The following DNAAF4 variants were observed in gnomAD, a reference collection of about 807,000 sequenced individuals.
The protein encoded by DNAAF4 is dynein axonemal assembly factor 4.
In DNAAF4, 43 loss-of-function variants were observed where a neutral mutation model predicts 51.8. The ratio of observed to expected loss-of-function variants is 0.83; its 90% CI spans 0.65 to 1.07. The LOEUF is 1.07. Among genes scored for constraint, DNAAF4 ranks in the 50% least tolerant of loss-of-function variants. The pLI is 0.00. For missense variants in DNAAF4, 581 were observed against 493.0 expected (o/e 1.18, Z -1.69); for synonymous variants, 194 against 165.6 (o/e 1.17, Z -1.32).
At chr15:55,496,773 G>C (rs1377163282) in intron 3 of DNAAF4, among the ~76,000 whole-genome samples, 1 of 150,708 alleles carries the variant, frequency 6.6e-6, no homozygotes, top group African/African-American at 2.4e-5. Context: ...GCAATTGAAT[G>C]AGTTCAGGAT....
At chr15:55,423,445 C>T (rs543874252) in intron 7 of DNAAF4, among the ~76,000 whole-genome samples, 3 of 152,030 alleles carry the variant, frequency 2.0e-5, no homozygotes, top group African/African-American at 4.8e-5. Flanking sequence ...CTCCTGGGCT[C>T]AAGTTATCCT....
chr15:55,463,516 T>C (rs1053247395), intron 5 of DNAAF4, among the ~76,000 whole-genome samples: 2 of 152,148 alleles, frequency 1.3e-5, no homozygotes, highest in African/African-American at 4.8e-5. Context: ...GCCAATGATA[T>C]GATCGTATAC....
intron 5 of DNAAF4, among the ~76,000 whole-genome samples, chr15:55,459,578 C>T (rs576158579): frequency 1.3e-5 from 2 of 152,254 alleles, no homozygotes; most frequent in African/African-American, 4.8e-5. Flanking sequence ...AAAAATCAAC[C>T]AACCAAGTAA....
intron 7 of DNAAF4, among the ~76,000 whole-genome samples, chr15:55,424,722 C>T (rs1303341655): frequency 3.3e-5 from 5 of 151,908 alleles, no homozygotes; most frequent in Non-Finnish European, 7.4e-5. Flanking sequence ...GCCACCATGC[C>T]CAGCTAAGTT....
chr15:55,439,090 A>C (rs1480180336), intron 7 of DNAAF4, among the ~76,000 whole-genome samples: 1 of 152,168 alleles, frequency 6.6e-6, no homozygotes, highest in African/African-American at 2.4e-5. Context: ...AAATATCTAG[A>C]GAATGTGATA....
Position 55,491,242 on chromosome 15 carries a change from T to A in DNAAF4, c.286A>T (p.Met96Leu). 1 of 1,612,652 alleles carries A rather than the reference T, an allele frequency of 6.2e-7. No homozygotes were observed. Among genetic ancestry groups the A allele is most frequent in the Non-Finnish European group, 8.5e-7 (1 of 1,179,552 alleles). ...ATAGATTTTTCTCTAATTCTTTGCA[T>A]CATCTCTTTGTCAACTAAAATGTAC... is the stretch of plus-strand genomic sequence containing the variant. ...LSVTGVDKEM[M>L]QRIREKSILQ... Residue 96 changes from methionine (M) to leucine (L), a missense_variant, in exon 4 of 10, where the codon ATG becomes TTG. Transcript: ENST00000321149.
intron 7 of DNAAF4, among the ~76,000 whole-genome samples, chr15:55,420,917 G>C (rs537077248): frequency 6.6e-6 from 1 of 152,006 alleles, no homozygotes; most frequent in Non-Finnish European, 1.5e-5. Flanking sequence ...GGCCGGGCAC[G>C]GTGGCTTACA....
chr15:55,443,289 C>G lies in DNAAF4; in HGVS notation c.784-3708G>C, dbSNP rs1397645624. 15 of 1,465,490 alleles carry G rather than the reference C, an allele frequency of 1.0e-5. No individual in the cohort carries two copies. The East Asian group carries it at 2.6e-4, about 26-fold the overall frequency. 90.8% of individuals were successfully genotyped at this position (1,465,490 alleles called of 1,614,324 possible). On this transcript the variant is annotated intron_variant, in intron 6 of 9. Coordinates refer to ENST00000321149, the MANE Select transcript of DNAAF4 (RefSeq NM_130810.4). The stretch of plus-strand genomic sequence containing the variant: ...GTTGCGGCTCACTACCCGGCAGGCG[C>G]CTGCCTACCGGTGGCGGCTGGCAAA...
At chr15:55,438,189 G>A (rs571060405) in intron 7 of DNAAF4, among the ~76,000 whole-genome samples, 2 of 151,794 alleles carry the variant, frequency 1.3e-5, no homozygotes, top group Non-Finnish European at 2.9e-5. Context: ...TGGCCAACAT[G>A]GTGAAACAAA....
Position 55,430,429 on chromosome 15 carries a change from GTA to G in DNAAF4, c.*239_*240del. The G allele has an allele frequency of 3.1e-5, 31 of 996,260 alleles. No homozygotes were observed. The highest frequency in any genetic ancestry group is 3.8e-5 in the Non-Finnish European group (31 of 823,182). The allele number at this position is 996,260 out of a possible 1,614,324, so 61.7% of individuals were successfully genotyped here. On this transcript the variant is annotated 3_prime_UTR_variant, in exon 10 of 10. Transcript: ENST00000321149. ...AAGCTTAATTCAGTAACACAAAAAA[GTA>G]TACATATGTATTAATATGAAGAAAT...
At chr15:55,502,291 G>C (rs1567038375) in intron 1 of DNAAF4, among the ~76,000 whole-genome samples, 1 of 152,020 alleles carries the variant, frequency 6.6e-6, no homozygotes, top group Non-Finnish European at 1.5e-5. Flanking sequence ...TAATTCTATT[G>C]ATGGAGTTCA....
intron 6 of DNAAF4, chr15:55,443,234 C>T (rs1227600361): frequency 7.5e-6 from 12 of 1,607,962 alleles, no homozygotes; most frequent in Non-Finnish European, 1.0e-5. Flanking sequence ...TTAAGAATGA[C>T]TTCCTCAGAA....
intron 5 of DNAAF4, among the ~76,000 whole-genome samples, chr15:55,460,337 G>A (rs1021163465): frequency 3.4e-4 from 51 of 151,924 alleles, no homozygotes; most frequent in African/African-American, 1.1e-3. Flanking sequence ...GTGCCAGCAC[G>A]CCCGGCTAAT....
chr15:55,498,055 G>A, intron 2 of DNAAF4, 152 bp downstream of exon 2: 2 of 1,372,278 alleles, frequency 1.5e-6, no homozygotes, highest in Non-Finnish European at 2.0e-6. Context: ...TACAGATGGT[G>A]TGTTACCTGT....
chr15:55,476,327 C>T (rs1261894928), intron 4 of DNAAF4, among the ~76,000 whole-genome samples: 1 of 151,872 alleles, frequency 6.6e-6, no homozygotes, highest in Non-Finnish European at 1.5e-5. Flanking sequence ...GTGGCATGTG[C>T]GTGTAGTCCC....
intron 8 of DNAAF4, among the ~76,000 whole-genome samples, chr15:55,433,942 T>TA (rs2057556232): frequency 1.5e-3 from 1 of 652 alleles, no homozygotes; most frequent in Non-Finnish European, 2.4e-3. Flanking sequence ...ATAAAATATA[T>TA]ATAATATATA....
intron 4 of DNAAF4, among the ~76,000 whole-genome samples, chr15:55,477,919 T>A (rs202245691): frequency 4.4e-5 from 6 of 137,462 alleles, no homozygotes; most frequent in African/African-American, 1.3e-4. Flanking sequence ...AAAAAAAAAA[T>A]TAAAAAATTA....
At chr15:55,446,872 C>CT (rs2057834493) in intron 6 of DNAAF4, among the ~76,000 whole-genome samples, 2 of 131,784 alleles carry the variant, frequency 1.5e-5, no homozygotes, top group African/African-American at 5.8e-5. Context: ...ACATCCCAGA[C>CT]GGGCCGGCTG....
chr15:55,468,542 C>T lies in DNAAF4; in HGVS notation c.406-1381G>A, dbSNP rs139953278. ...AAAATTTAAATGCCTCACAATAAGG[C>T]ATGATGAACACTCCATGTTAGAGAG... On this transcript the variant is annotated intron_variant, in intron 4 of 9. Coordinates refer to ENST00000321149, the MANE Select transcript of DNAAF4 (RefSeq NM_130810.4). Among the ~76,000 whole-genome samples, 159 of 152,274 alleles carry T rather than the reference C, an allele frequency of 1.0e-3. 1 individual carries two copies. The highest frequency in any genetic ancestry group is 3.7e-3 in the African/African-American group (153 of 41,554).
Sources: gnomAD v4.1 joint callset for allele counts (sites outside exome capture counted in the v4.1 genomes callset) on GRCh38, gnomAD v4.1.1 for gene constraint, MANE v1.5 for transcripts, NCBI Gene and HGNC (gene_info 2026-07-23, HGNC 2026-07-21) for gene names.